The following RPH3A variants were observed in gnomAD, a reference collection of about 807,000 sequenced individuals.
RPH3A encodes the protein rabphilin-3A.
Under a neutral mutation model 102.2 loss-of-function variants are expected in RPH3A, and 48 were observed. The ratio of observed to expected loss-of-function variants is 0.47; its 90% CI spans 0.37 to 0.60. The LOEUF is 0.60. RPH3A is among the 20% of genes least tolerant of loss of function. RPH3A has a pLI of 0.00. For missense variants in RPH3A, 781 were observed against 910.1 expected (o/e 0.86, Z 1.83); for synonymous variants, 310 against 324.3 (o/e 0.96, Z 0.47).
intron 1 of RPH3A, among the ~76,000 whole-genome samples, chr12:112,759,536 G>C (rs879901403): frequency 8.5e-5 from 13 of 152,146 alleles, no homozygotes; most frequent in Non-Finnish European, 1.9e-4. Context: ...TGAAGGACTT[G>C]CCCAAGGTTG....
chr12:112,678,183 C>T (rs144490912), intron 1 of RPH3A, among the ~76,000 whole-genome samples: 1,928 of 148,746 alleles, frequency 0.013, 50 homozygotes, highest in African/African-American at 0.045. Context: ...GGCAACAGAG[C>T]AAGACCCTGT....
At chr12:112,765,736 T>C (rs1275462793) in intron 1 of RPH3A, among the ~76,000 whole-genome samples, 1 of 152,222 alleles carries the variant, frequency 6.6e-6, no homozygotes, top group Non-Finnish European at 1.5e-5. Flanking sequence ...ATCTTCACAC[T>C]GAGGCTGGAC....
At chr12:112,579,065 C>CT (rs1344967803) in intron 1 of RPH3A, among the ~76,000 whole-genome samples, 1 of 152,160 alleles carries the variant, frequency 6.6e-6, no homozygotes, top group African/African-American at 2.4e-5. Context: ...ACAGCACATA[C>CT]TTTTTTTGTA....
In RPH3A at chr12:112,733,683, T is replaced by C. The variant is rs186220296; in HGVS notation, c.-139-58460T>C. Among the ~76,000 whole-genome samples the C allele has an allele frequency of 3.3e-5, 5 of 152,278 alleles. No homozygotes were observed. The East Asian group carries it at 9.6e-4, about 29-fold the overall frequency. ...CAGATCCCGAAGGTTCTCCTTGCAATGGAAGGAAATTCTTTCTTAAAGGAA... is the reference window on the plus strand; with the variant it reads ...CAGATCCCGAAGGTTCTCCTTGCAACGGAAGGAAATTCTTTCTTAAAGGAA... On this transcript the variant is annotated intron_variant, in intron 1 of 21. Coordinates refer to the RPH3A transcript ENST00000543106.
chr12:112,827,224 C>A (rs955952521), intron 2 of RPH3A, among the ~76,000 whole-genome samples: 15 of 152,342 alleles, frequency 9.8e-5, no homozygotes, highest in African/African-American at 3.4e-4. Context: ...GCACCTCCCC[C>A]AGCCTGGGCA....
chr12:112,593,703 G>A (rs969278814), intron 1 of RPH3A, among the ~76,000 whole-genome samples: 12 of 152,198 alleles, frequency 7.9e-5, no homozygotes, highest in African/African-American at 2.9e-4. Context: ...GCTGTCTATT[G>A]TGCTAATTAT....
chr12:112,602,768 C>T (rs898723964), intron 1 of RPH3A, among the ~76,000 whole-genome samples: 4 of 151,202 alleles, frequency 2.6e-5, no homozygotes, highest in African/African-American at 7.3e-5. Context: ...CCAGCCTGGG[C>T]GTCACACAAT....
chr12:112,851,530 A>C (rs2042322112), intron 5 of RPH3A, among the ~76,000 whole-genome samples: 1 of 152,168 alleles, frequency 6.6e-6, no homozygotes. Context: ...TGTGGTTCTG[A>C]GAGTTCCAGG....
At chr12:112,658,162 A>G (rs1391791598) in intron 1 of RPH3A, among the ~76,000 whole-genome samples, 1 of 152,010 alleles carries the variant, frequency 6.6e-6, no homozygotes, top group Non-Finnish European at 1.5e-5. Flanking sequence ...TATTTTATAT[A>G]TGTATTTTTT....
chr12:112,674,216 C>T (rs1257645788), intron 1 of RPH3A, among the ~76,000 whole-genome samples: 1 of 152,158 alleles, frequency 6.6e-6, no homozygotes, highest in East Asian at 1.9e-4. Context: ...TGCCACCGCA[C>T]TTGGCTAATT....
Position 112,667,832 on chromosome 12 carries a change from G to A in RPH3A, c.-140+92513G>A, listed in dbSNP as rs915168022. Among the ~76,000 whole-genome samples, 3 of 152,142 alleles carry A rather than the reference G, an allele frequency of 2.0e-5. No homozygotes were observed. In the South Asian group the frequency reaches 6.2e-4, roughly 32 times the overall value. ...GCAACTTTGCAAAGAAAGAGTTGGGGACAAATATCTTGACCTCATTCTCCT... is the reference window on the plus strand; with the variant it reads ...GCAACTTTGCAAAGAAAGAGTTGGGAACAAATATCTTGACCTCATTCTCCT... On this transcript the variant is annotated intron_variant, in intron 1 of 21. Transcript: ENST00000543106.
At chr12:112,745,132 C>T (rs981282508) in intron 1 of RPH3A, among the ~76,000 whole-genome samples, 2 of 152,190 alleles carry the variant, frequency 1.3e-5, no homozygotes, top group Non-Finnish European at 2.9e-5. Context: ...ATCTTTGACG[C>T]TTCCAGGCCT....
At chr12:112,752,760 T>G (rs769539449) in intron 1 of RPH3A, among the ~76,000 whole-genome samples, 2 of 152,012 alleles carry the variant, frequency 1.3e-5, no homozygotes, top group Non-Finnish European at 2.9e-5. Context: ...TTTGATGAGT[T>G]TTGATAAATA....
At chr12:112,885,579 G>C (rs147801091) in intron 16 of RPH3A, among the ~76,000 whole-genome samples, 6 of 152,258 alleles carry the variant, frequency 3.9e-5, no homozygotes, top group Admixed American at 3.9e-4. Context: ...CATCTTTGTA[G>C]TTAAATATAT....
intron 4 of RPH3A, among the ~76,000 whole-genome samples, chr12:112,846,702 G>A (rs913567993): frequency 1.3e-5 from 2 of 152,306 alleles, no homozygotes; most frequent in African/African-American, 4.8e-5. Flanking sequence ...AATTTCTAGT[G>A]GTGTTTACCC....
intron 1 of RPH3A, among the ~76,000 whole-genome samples, chr12:112,746,903 T>G (rs112154640): frequency 1.5e-4 from 23 of 152,316 alleles, no homozygotes; most frequent in African/African-American, 5.5e-4. Context: ...ATCAATTCTT[T>G]GAAGTGTCCC....
intron 1 of RPH3A, among the ~76,000 whole-genome samples, chr12:112,678,318 A>AGAGAGAGAGAGAGAGAGAGAGAGAG (rs1566255385): frequency 2.4e-5 from 3 of 122,454 alleles, no homozygotes; most frequent in Non-Finnish European, 3.6e-5. Context: ...AGAGAGAGAG[A>AGAGAGAGAGAGAGAGAGAGAGAGAG]AAGAAAGAAA....
At chr12:112,887,953 G>C (rs200371834) in intron 17 of RPH3A, 30 bp downstream of exon 17, 3 of 1,608,684 alleles carry the variant, frequency 1.9e-6, no homozygotes, top group African/African-American at 1.3e-5. Flanking sequence ...GGATCTGATG[G>C]GAGGAGGGGA....
chr12:112,776,782 G>C (rs1028814155), intron 1 of RPH3A, among the ~76,000 whole-genome samples: 2 of 149,802 alleles, frequency 1.3e-5, no homozygotes, highest in African/African-American at 4.9e-5. Context: ...GCTGAGGCAG[G>C]AGAATGGTGT....
Sources: allele counts gnomAD v4.1 joint callset (sites outside exome capture counted in the v4.1 genomes callset), GRCh38; gene constraint gnomAD v4.1.1; transcripts MANE v1.5; gene names NCBI Gene and HGNC (gene_info 2026-07-23, HGNC 2026-07-21).